FGD4: variants seen among roughly 807,000 people sequenced by gnomAD.
FGD4 encodes FYVE, RhoGEF and PH domain-containing protein 4.
A neutral mutation model predicts 102.0 loss-of-function variants in FGD4; 42 were observed. The observed-to-expected ratio is 0.41, with a 90% CI of 0.32 to 0.53. The LOEUF (loss-of-function observed/expected upper bound fraction) is 0.53, where lower values mean the gene tolerates loss of function less well. Among genes scored for constraint, FGD4 ranks in the 20% least tolerant of loss-of-function variants. FGD4 has a pLI of 0.21. For synonymous variants in FGD4, 380 were observed against 375.7 expected (o/e 1.01, Z -0.13); for missense variants, 902 against 1,078.2 (o/e 0.84, Z 2.29).
intron 1 of FGD4, among the ~76,000 whole-genome samples, chr12:32,404,086 C>CT (rs35761761): frequency 0.45 from 64,966 of 145,042 alleles, 14,959 homozygotes; most frequent in East Asian, 0.59. Context: ...GTTTTGGGTT[C>CT]TTTTTTTTTT....
At chr12:32,532,689 C>G (rs1193026087) in intron 1 of FGD4, among the ~76,000 whole-genome samples, 2 of 151,892 alleles carry the variant, frequency 1.3e-5, no homozygotes, top group Non-Finnish European at 2.9e-5. Flanking sequence ...GGGAAGTATT[C>G]TGGTTTTTAC....
chr12:32,407,990 TTA>T (rs1427384588), intron 1 of FGD4, among the ~76,000 whole-genome samples: 1 of 150,726 alleles, frequency 6.6e-6, no homozygotes, highest in Non-Finnish European at 1.5e-5. Flanking sequence ...ATTTATTTAT[TTA>T]TTTATTTATT....
At chr12:32,537,848 G>A (rs370468385) in intron 1 of FGD4, among the ~76,000 whole-genome samples, 9 of 152,204 alleles carry the variant, frequency 5.9e-5, no homozygotes, top group African/African-American at 1.9e-4. Context: ...CTAATAGCAC[G>A]CCTGTTCCTT....
intron 1 of FGD4, among the ~76,000 whole-genome samples, chr12:32,547,767 T>C (rs1388091310): frequency 2.0e-5 from 3 of 152,178 alleles, no homozygotes; most frequent in Non-Finnish European, 4.4e-5. Context: ...AGTGCAGTGG[T>C]GCAGTCTCTG....
chr12:32,485,857 T>C, intron 1 of FGD4: 1 of 1,230,160 alleles, frequency 8.1e-7, no homozygotes, highest in Non-Finnish European at 1.0e-6. Context: ...TAGAGCTCTC[T>C]CAGTACATTT....
chr12:32,521,354 G>A (rs930992023), intron 1 of FGD4, among the ~76,000 whole-genome samples: 5 of 143,960 alleles, frequency 3.5e-5, no homozygotes, highest in Admixed American at 2.9e-4. Context: ...CCAGCCTGGC[G>A]ACGGCGAGAC....
intron 1 of FGD4, among the ~76,000 whole-genome samples, chr12:32,403,601 CTTT>C (rs113831633): frequency 1.4e-5 from 2 of 143,560 alleles, no homozygotes; most frequent in Non-Finnish European, 1.5e-5. Context: ...AAAACTCCAT[CTTT>C]TTTTTTTTTT....
intron 1 of FGD4, among the ~76,000 whole-genome samples, chr12:32,510,266 A>T (rs1305231854): frequency 6.6e-6 from 1 of 152,238 alleles, no homozygotes; most frequent in Non-Finnish European, 1.5e-5. Flanking sequence ...ATTACTGTGC[A>T]TTCATGGGAT....
At chr12:32,408,367 C>T (rs1313998021) in intron 1 of FGD4, among the ~76,000 whole-genome samples, 1 of 152,116 alleles carries the variant, frequency 6.6e-6, no homozygotes, top group Non-Finnish European at 1.5e-5. Context: ...GGGGTTTCCC[C>T]ATGTTGGTCA....
At chr12:32,592,573 A>G (rs1484845715) in intron 4 of FGD4, among the ~76,000 whole-genome samples, 1 of 152,094 alleles carries the variant, frequency 6.6e-6, no homozygotes, top group Non-Finnish European at 1.5e-5. Context: ...AAGAAACAGT[A>G]TTTACCTATT....
chr12:32,596,490 A>AT (rs1383595611), intron 4 of FGD4, among the ~76,000 whole-genome samples: 16 of 152,192 alleles, frequency 1.1e-4, no homozygotes, highest in African/African-American at 3.9e-4. Flanking sequence ...ATAACCCTGA[A>AT]TGTACATAGT....
intron 1 of FGD4, among the ~76,000 whole-genome samples, chr12:32,477,622 T>A (rs553387265): frequency 8.3e-4 from 127 of 152,324 alleles, no homozygotes; most frequent in African/African-American, 3.0e-3. Flanking sequence ...ATCTTGATCT[T>A]ACCAGTGAAC....
At chr12:32,519,648 A>C (rs566237719) in intron 1 of FGD4, among the ~76,000 whole-genome samples, 1 of 152,216 alleles carries the variant, frequency 6.6e-6, no homozygotes, top group South Asian at 2.1e-4. Context: ...AATAAAATAA[A>C]AAAATAAAGC....
At chr12:32,476,433 A>T (rs1429053111) in intron 1 of FGD4, among the ~76,000 whole-genome samples, 1 of 152,182 alleles carries the variant, frequency 6.6e-6, no homozygotes, top group African/African-American at 2.4e-5. Flanking sequence ...TATTTCCAAG[A>T]TACCTTAATT....
At chr12:32,415,769 C>T (rs893440896) in intron 1 of FGD4, among the ~76,000 whole-genome samples, 6 of 152,096 alleles carry the variant, frequency 3.9e-5, no homozygotes, top group Admixed American at 6.5e-5. Context: ...GTGTTACATC[C>T]TCTTGCTGAA....
intron 5 of FGD4, among the ~76,000 whole-genome samples, chr12:32,600,660 C>G (rs575571971): frequency 7.1e-5 from 10 of 140,714 alleles, no homozygotes; most frequent in South Asian, 4.6e-4. Context: ...CCCTACATAT[C>G]AGTGTTTTAC....
intron 2 of FGD4, among the ~76,000 whole-genome samples, chr12:32,570,101 G>A (rs1348231765): frequency 6.6e-6 from 1 of 151,894 alleles, no homozygotes; most frequent in East Asian, 2.0e-4. Flanking sequence ...TTAGCCAGTC[G>A]TGGGTGGTGC....
chr12:32,505,561 A>G (rs771689871), intron 1 of FGD4, among the ~76,000 whole-genome samples: 15 of 152,206 alleles, frequency 9.9e-5, no homozygotes, highest in Admixed American at 4.6e-4. Flanking sequence ...GAGTGGGTCT[A>G]TGCAGGTTGA....
At chr12:32,626,993 G>A (rs1394668802) in intron 14 of FGD4, among the ~76,000 whole-genome samples, 6 of 149,936 alleles carry the variant, frequency 4.0e-5, no homozygotes, top group South Asian at 2.1e-4. Context: ...AATTACAGGC[G>A]TGTGCCACCA....
Sources: gnomAD v4.1 joint callset for allele counts (sites outside exome capture counted in the v4.1 genomes callset) on GRCh38, gnomAD v4.1.1 for gene constraint, MANE v1.5 for transcripts, NCBI Gene and HGNC (gene_info 2026-07-23, HGNC 2026-07-21) for gene names.